The following CHRNA5 variants were observed in gnomAD, a reference collection of about 807,000 sequenced individuals.
CHRNA5 encodes the protein cholinergic receptor nicotinic alpha 5 subunit.
Under a neutral mutation model 41.2 loss-of-function variants are expected in CHRNA5, and 28 were observed. That is an observed-to-expected ratio of 0.68 (90% CI 0.50 to 0.93). The LOEUF is 0.93. CHRNA5 is among the 40% of genes least tolerant of loss of function. The pLI, the probability that CHRNA5 is intolerant of heterozygous loss-of-function variation, is 0.00. For missense variants in CHRNA5, 481 were observed against 581.9 expected (o/e 0.83, Z 1.78); for synonymous variants, 188 against 205.8 (o/e 0.91, Z 0.74).
chr15:78,592,062 G>A (rs995370305), intron 5 of CHRNA5, among the ~76,000 whole-genome samples: 4 of 152,300 alleles, frequency 2.6e-5, no homozygotes, highest in East Asian at 1.9e-4. Flanking sequence ...GGTGGCTCAC[G>A]CCTGTAATCC....
intron 1 of CHRNA5, among the ~76,000 whole-genome samples, chr15:78,567,747 T>C (rs1470421024): frequency 6.6e-6 from 1 of 152,224 alleles, no homozygotes; most frequent in Non-Finnish European, 1.5e-5. Context: ...TTTCTCCATC[T>C]GGATGGTGAG....
At chr15:78,567,177 C>T (rs1421377644) in intron 1 of CHRNA5, among the ~76,000 whole-genome samples, 2 of 150,908 alleles carry the variant, frequency 1.3e-5, no homozygotes, top group South Asian at 2.1e-4. Context: ...GACGTGAACC[C>T]GAGAGGCGGA....
intron 5 of CHRNA5, among the ~76,000 whole-genome samples, chr15:78,591,514 T>C (rs115727283): frequency 0.016 from 2,401 of 152,326 alleles, 52 homozygotes; most frequent in African/African-American, 0.055. Flanking sequence ...CATAATTGAA[T>C]GTACATTAAA....
chr15:78,565,666 C>A, exon 1 of CHRNA5: 2 of 628,940 alleles, frequency 3.2e-6, no homozygotes, highest in Non-Finnish European at 4.2e-6. Flanking sequence ...AGTTCGCGTT[C>A]CCCGCGCGGC....
intron 2 of CHRNA5, among the ~76,000 whole-genome samples, chr15:78,582,507 A>C (rs1223245918): frequency 7.3e-6 from 1 of 136,938 alleles, no homozygotes; most frequent in African/African-American, 2.6e-5. Context: ...AAAAGAAAAG[A>C]AAAAGTAAGG....
chr15:78,586,232 G>A (rs758124650), intron 2 of CHRNA5, among the ~76,000 whole-genome samples: 1 of 152,136 alleles, frequency 6.6e-6, no homozygotes. Flanking sequence ...ACACTTTTCC[G>A]CATTTTAATA....
At chr15:78,579,308 C>T (rs2052888353) in intron 1 of CHRNA5, among the ~76,000 whole-genome samples, 1 of 152,104 alleles carries the variant, frequency 6.6e-6, no homozygotes, top group Non-Finnish European at 1.5e-5. Context: ...CGCTGGAGTG[C>T]AGTGGCACAA....
chr15:78,580,739 C>A, intron 1 of CHRNA5, 72 bp from the exon 2 acceptor site: 1 of 1,367,026 alleles, frequency 7.3e-7, no homozygotes. Context: ...TGGGTTTGAA[C>A]TTTTGTTTGA....
chr15:78,571,827 T>C (rs911834776), intron 1 of CHRNA5, among the ~76,000 whole-genome samples: 1 of 152,230 alleles, frequency 6.6e-6, no homozygotes. Context: ...ATATTTTATC[T>C]GTAATACTTA....
intron 1 of CHRNA5, among the ~76,000 whole-genome samples, chr15:78,571,119 C>A (rs1384165531): frequency 6.6e-6 from 1 of 152,204 alleles, no homozygotes; most frequent in Non-Finnish European, 1.5e-5. Flanking sequence ...TTCTAACAAG[C>A]TCCCAGGTGA....
chr15:78,592,050 G>T (rs1265914048), intron 5 of CHRNA5, among the ~76,000 whole-genome samples: 2 of 152,202 alleles, frequency 1.3e-5, no homozygotes, highest in African/African-American at 2.4e-5. Context: ...GTGGCCAGGT[G>T]CGGTGGCTCA....
intron 1 of CHRNA5, among the ~76,000 whole-genome samples, chr15:78,567,049 G>A (rs912702837): frequency 3.9e-5 from 6 of 151,974 alleles, no homozygotes; most frequent in Non-Finnish European, 8.8e-5. Context: ...TCAGGAGATC[G>A]AGACCATCCT....
At chr15:78,569,313 C>T (rs979872495) in intron 1 of CHRNA5, among the ~76,000 whole-genome samples, 4 of 151,512 alleles carry the variant, frequency 2.6e-5, no homozygotes, top group African/African-American at 7.3e-5. Flanking sequence ...AATTTCAGTA[C>T]AGAACTTTTT....
chr15:78,570,871 T>C (rs1410160656), intron 1 of CHRNA5, among the ~76,000 whole-genome samples: 1 of 152,192 alleles, frequency 6.6e-6, no homozygotes, highest in Admixed American at 6.5e-5. Context: ...CCTTGTAGGA[T>C]GTTTAGCAGC....
At chr15:78,589,995 C>G (rs2052996307) in exon 5 of CHRNA5, 1 of 1,614,096 alleles carries the variant, frequency 6.2e-7, no homozygotes, top group Non-Finnish European at 8.5e-7. Context: ...TGATATAATT[C>G]TAGAGGACCA....
intron 1 of CHRNA5, among the ~76,000 whole-genome samples, chr15:78,568,177 G>A (rs1170641378): frequency 6.6e-6 from 1 of 152,110 alleles, no homozygotes; most frequent in Non-Finnish European, 1.5e-5. Context: ...CAGTTCCCAG[G>A]TAAAGAGAAT....
At chr15:78,590,091 T>C in exon 5 of CHRNA5, 1 of 1,614,232 alleles carries the variant, frequency 6.2e-7, no homozygotes, top group East Asian at 2.2e-5. Flanking sequence ...AACCGACAGC[T>C]GTTGCTGGTA....
intron 1 of CHRNA5, among the ~76,000 whole-genome samples, chr15:78,569,728 C>T (rs187503352): frequency 1.3e-4 from 19 of 151,102 alleles, no homozygotes; most frequent in South Asian, 2.1e-4. Context: ...CCACCGTGCC[C>T]GGCCTGGAAT....
chr15:78,579,803 C>T (rs1054706499), intron 1 of CHRNA5, among the ~76,000 whole-genome samples: 3 of 152,136 alleles, frequency 2.0e-5, no homozygotes, highest in Non-Finnish European at 2.9e-5. Context: ...TTGGGAGGCT[C>T]AACCCTTCTT....
Sources: allele counts gnomAD v4.1 joint callset (sites outside exome capture counted in the v4.1 genomes callset), GRCh38; gene constraint gnomAD v4.1.1; transcripts MANE v1.5; gene names NCBI Gene and HGNC (gene_info 2026-07-23, HGNC 2026-07-21).